PARVA: variants seen among roughly 807,000 people sequenced by gnomAD.
PARVA encodes the protein alpha-parvin.
In PARVA, 25 loss-of-function variants were observed where a neutral mutation model predicts 52.6. The observed-to-expected ratio is 0.48, with a 90% CI of 0.35 to 0.66. The LOEUF is 0.66. Among genes scored for constraint, PARVA ranks in the 30% least tolerant of loss-of-function variants. The probability of loss-of-function intolerance (pLI) is 0.01; values close to 1 mark genes in which losing one functional copy is unlikely to be tolerated. For missense variants in PARVA, 373 were observed against 450.9 expected (o/e 0.83, Z 1.56); for synonymous variants, 185 against 179.1 (o/e 1.03, Z -0.26).
intron 10 of PARVA, among the ~76,000 whole-genome samples, chr11:12,515,764 G>A (rs1313693187): frequency 6.6e-6 from 1 of 152,134 alleles, no homozygotes; most frequent in Non-Finnish European, 1.5e-5. Flanking sequence ...GCTCTCCCGT[G>A]TCCACCTAGG....
chr11:12,446,465 C>G (rs555619935), intron 1 of PARVA, among the ~76,000 whole-genome samples: 1 of 152,078 alleles, frequency 6.6e-6, no homozygotes, highest in African/African-American at 2.4e-5. Context: ...CAAATCAGTC[C>G]TCCACTCTGA....
chr11:12,399,664 TTG>T (rs74259724), intron 1 of PARVA, among the ~76,000 whole-genome samples: 16,650 of 152,176 alleles, frequency 0.11, 1,272 homozygotes, highest in African/African-American at 0.21. Flanking sequence ...TCCAAGTTTC[TTG>T]TGTGTGTGTA....
At chr11:12,467,846 G>A (rs2135030205) in intron 1 of PARVA, among the ~76,000 whole-genome samples, 1 of 152,278 alleles carries the variant, frequency 6.6e-6, no homozygotes, top group Non-Finnish European at 1.5e-5. Context: ...TTCAGGGAAT[G>A]TGGAGAATAG....
chr11:12,381,851 G>A (rs891361301), intron 1 of PARVA, among the ~76,000 whole-genome samples: 5 of 152,142 alleles, frequency 3.3e-5, no homozygotes, highest in African/African-American at 1.2e-4. Flanking sequence ...TACACATCAA[G>A]CAATTCAACT....
chr11:12,483,370 C>T (rs572559201), intron 4 of PARVA, among the ~76,000 whole-genome samples: 6 of 152,232 alleles, frequency 3.9e-5, no homozygotes, highest in African/African-American at 9.6e-5. Flanking sequence ...GAGTAGGGCA[C>T]GTAAGAGGGG....
intron 6 of PARVA, among the ~76,000 whole-genome samples, chr11:12,505,596 C>T (rs1202365963): frequency 3.3e-5 from 5 of 152,276 alleles, no homozygotes; most frequent in African/African-American, 1.2e-4. Context: ...AGAGAGGGCT[C>T]ATAGGAAATG....
At chr11:12,385,408 G>C (rs748804411) in intron 1 of PARVA, among the ~76,000 whole-genome samples, 2 of 152,160 alleles carry the variant, frequency 1.3e-5, no homozygotes, top group Non-Finnish European at 2.9e-5. Context: ...TGGTAGCAAG[G>C]GAAGGAGTGA....
Position 12,488,892 on chromosome 11 carries a change from A to C in PARVA, c.401-7566A>C, listed in dbSNP as rs144382834. Among the ~76,000 whole-genome samples the C allele has an allele frequency of 1.4e-3, 217 of 152,290 alleles. 2 individuals are homozygous for C. The highest frequency in any genetic ancestry group is 5.0e-3 in the African/African-American group (209 of 41,548). On this transcript the variant is annotated intron_variant, in intron 4 of 12. Coordinates refer to ENST00000334956, the MANE Select transcript of PARVA (RefSeq NM_018222.5). ...GAACTCTAAACTCAGACCACAAAGAACTCCCAGAGTTAAAATTCCAAGGAA... is the reference window on the plus strand; with the variant it reads ...GAACTCTAAACTCAGACCACAAAGACCTCCCAGAGTTAAAATTCCAAGGAA...
chr11:12,489,281 TTAAGACTGGAAGGTAGATATGAAAAACAA>T (rs1941202047), intron 4 of PARVA, among the ~76,000 whole-genome samples: 2 of 151,908 alleles, frequency 1.3e-5, no homozygotes, highest in Non-Finnish European at 2.9e-5. Context: ...CAAGAAACTA[TTAAGACTGGAAGGTAGATATGAAAAACAA>T]CCAAATAGAA....
intron 1 of PARVA, among the ~76,000 whole-genome samples, chr11:12,412,932 G>A (rs1940011463): frequency 6.6e-6 from 1 of 152,184 alleles, no homozygotes; most frequent in Non-Finnish European, 1.5e-5. Context: ...TATAAGAAGA[G>A]GGGAAAACAG....
intron 1 of PARVA, among the ~76,000 whole-genome samples, chr11:12,452,489 T>C (rs1292691166): frequency 6.6e-6 from 1 of 152,186 alleles, no homozygotes; most frequent in Non-Finnish European, 1.5e-5. Flanking sequence ...GCATAGCCAC[T>C]CTGTGTCCAG....
At chr11:12,463,227 A>G (rs1033265984) in intron 1 of PARVA, among the ~76,000 whole-genome samples, 1 of 152,082 alleles carries the variant, frequency 6.6e-6, no homozygotes, top group African/African-American at 2.4e-5. Flanking sequence ...TACTTTTGTT[A>G]TATTATTGAT....
At chr11:12,434,641 C>G (rs1481359695) in intron 1 of PARVA, among the ~76,000 whole-genome samples, 1 of 152,188 alleles carries the variant, frequency 6.6e-6, no homozygotes, top group Non-Finnish European at 1.5e-5. Flanking sequence ...CTCTTCTACT[C>G]TGTAACTCCC....
At position 12,533,351 on chromosome 11, in the gene PARVA, G is replaced by A. The variant is rs1450145737; in HGVS notation, c.*5426G>A. 6.6e-6 allele frequency among the ~76,000 whole-genome samples: 1 copy of A among 152,182 alleles called. No homozygotes were observed. ...AGGAATCCCACCATTCAGCCTGTGG[G>A]CTTGACAAACTATAAGCAAGCCTCC... is the stretch of plus-strand genomic sequence containing the variant. On this transcript the variant is annotated 3_prime_UTR_variant, in exon 13 of 13. Transcript: ENST00000334956.
chr11:12,491,804 A>G lies in PARVA; in HGVS notation c.401-4654A>G, dbSNP rs923596984. ...TAATAACATATTAAGAAAAAAGTTC[A>G]TAGAGAATATTTGAATAATACAGTT... On this transcript the variant is annotated intron_variant, in intron 4 of 12. Transcript: ENST00000334956. 1.4e-4 allele frequency among the ~76,000 whole-genome samples: 22 copies of G among 152,234 alleles called. 1 individual carries two copies. Among genetic ancestry groups the G allele is most frequent in the African/African-American group, 4.8e-5 (2 of 41,470 alleles).
chr11:12,388,397 C>T (rs1939609339), intron 1 of PARVA, among the ~76,000 whole-genome samples: 1 of 152,212 alleles, frequency 6.6e-6, no homozygotes, highest in African/African-American at 2.4e-5. Context: ...ACTGTCTTTG[C>T]TTCAAACCAG....
chr11:12,490,098 C>T (rs969901881), intron 4 of PARVA, among the ~76,000 whole-genome samples: 2 of 151,982 alleles, frequency 1.3e-5, no homozygotes, highest in African/African-American at 4.8e-5. Context: ...CACCTGTAGT[C>T]CCAGCTACTC....
At chr11:12,456,478 C>T (rs775417639) in intron 1 of PARVA, among the ~76,000 whole-genome samples, 2 of 151,998 alleles carry the variant, frequency 1.3e-5, no homozygotes, top group Non-Finnish European at 2.9e-5. Flanking sequence ...GGAACCTGTT[C>T]CCAGCCATCC....
chr11:12,493,344 A>G (rs1385870000), intron 4 of PARVA, among the ~76,000 whole-genome samples: 1 of 107,794 alleles, frequency 9.3e-6, no homozygotes, highest in Non-Finnish European at 1.9e-5. Flanking sequence ...CAACATAATG[A>G]GACTCCATCT....
Sources: gnomAD v4.1 joint callset for allele counts (sites outside exome capture counted in the v4.1 genomes callset) on GRCh38, gnomAD v4.1.1 for gene constraint, MANE v1.5 for transcripts, NCBI Gene and HGNC (gene_info 2026-07-23, HGNC 2026-07-21) for gene names.